Variants in TRPM3 observed in about 807,000 individuals in gnomAD.
TRPM3 encodes transient receptor potential cation channel subfamily M member 3.
In TRPM3, 77 loss-of-function variants were observed where a neutral mutation model predicts 181.2. The ratio of observed to expected loss-of-function variants is 0.42; its 90% CI spans 0.35 to 0.51. TRPM3 has a LOEUF of 0.51. TRPM3 is among the 20% of genes least tolerant of loss of function. The pLI, the probability that TRPM3 is intolerant of heterozygous loss-of-function variation, is 0.01. For missense variants in TRPM3, 1,759 were observed against 2,196.7 expected (o/e 0.80, Z 3.98); for synonymous variants, 745 against 796.4 (o/e 0.94, Z 1.09).
At chr9:71,125,611 G>A (rs969575053), upstream of TRPM3, among the ~76,000 whole-genome samples, 4 of 152,058 alleles carry the variant, frequency 2.6e-5, no homozygotes, top group Admixed American at 2.6e-4. Context: ...GTGCATTTGG[G>A]TTGATTCCAT....
chr9:70,675,593 T>C (rs1280469162), intron 9 of TRPM3, among the ~76,000 whole-genome samples: 4 of 152,234 alleles, frequency 2.6e-5, no homozygotes, highest in Non-Finnish European at 5.9e-5. Context: ...TGAGTTCATA[T>C]GAAAATTTGA....
At chr9:71,127,292 A>AACACAC (rs60199233) in intron 1 of TRPM3, among the ~76,000 whole-genome samples, 9 of 143,754 alleles carry the variant, frequency 6.3e-5, no homozygotes, top group East Asian at 2.1e-4. Context: ...AGCTGACCAA[A>AACACAC]ACACACACAC....
intron 1 of TRPM3, among the ~76,000 whole-genome samples, chr9:71,107,462 G>A (rs1255112419): frequency 1.3e-5 from 2 of 152,112 alleles, no homozygotes; most frequent in Non-Finnish European, 2.9e-5. Flanking sequence ...CATGTATCAA[G>A]TTATATTGTT....
intron 6 of TRPM3, chr9:70,825,087 C>T (rs964608632): frequency 4.6e-5 from 7 of 152,184 alleles, no homozygotes; most frequent in African/African-American, 1.7e-4. Flanking sequence ...GAGTCACTCT[C>T]TTGTAGGGCG....
intron 14 of TRPM3, among the ~76,000 whole-genome samples, chr9:70,623,695 C>T (rs1448049780): frequency 1.7e-4 from 26 of 152,122 alleles, no homozygotes; most frequent in Non-Finnish European, 1.5e-5. Flanking sequence ...TTGTTGAGGT[C>T]TAAAAAATGA....
chr9:71,196,166 T>C (rs1452469903), intron 1 of TRPM3, among the ~76,000 whole-genome samples: 1 of 89,772 alleles, frequency 1.1e-5, no homozygotes, highest in Admixed American at 1.0e-4. Context: ...CACACACGTA[T>C]ATGTGTGTGT....
At chr9:70,578,073 A>G (rs1003663372) in intron 22 of TRPM3, among the ~76,000 whole-genome samples, 2 of 152,152 alleles carry the variant, frequency 1.3e-5, no homozygotes, top group Non-Finnish European at 2.9e-5. Flanking sequence ...AACTCAGGAG[A>G]GAGTCACTGG....
chr9:70,575,337 C>T (rs1224017907), intron 22 of TRPM3, among the ~76,000 whole-genome samples: 2 of 152,070 alleles, frequency 1.3e-5, no homozygotes, highest in Non-Finnish European at 2.9e-5. Context: ...TTATAGGGCT[C>T]ACCCTTACAT....
intron 7 of TRPM3, among the ~76,000 whole-genome samples, chr9:70,772,033 T>C (rs1033501422): frequency 2.6e-5 from 4 of 152,108 alleles, no homozygotes; most frequent in Admixed American, 2.0e-4. Flanking sequence ...ACTAAATACA[T>C]AATGCTGACT....
chr9:71,297,545 T>C (rs1588360099), intron 1 of TRPM3, among the ~76,000 whole-genome samples: 1 of 152,068 alleles, frequency 6.6e-6, no homozygotes, highest in Admixed American at 6.5e-5. Context: ...GAGAATGAGA[T>C]CGGAATGAAG....
intron 8 of TRPM3, among the ~76,000 whole-genome samples, chr9:70,746,267 CAGAGAGAG>C (rs61445272): frequency 2.7e-5 from 4 of 149,204 alleles, no homozygotes; most frequent in Non-Finnish European, 4.5e-5. Context: ...AAAACAAAAA[CAGAGAGAG>C]AGAGAGAGAG....
Position 70,545,823 on chromosome 9 carries a change from C to T in TRPM3, c.3707+3719G>A, listed in dbSNP as rs980288941. 6.6e-5 allele frequency among the ~76,000 whole-genome samples: 10 copies of T among 152,256 alleles called. No homozygotes were observed. In the South Asian group the frequency reaches 1.0e-3, roughly 16 times the overall value. On this transcript the variant is annotated intron_variant, in intron 25 of 25. Coordinates refer to ENST00000677713, the MANE Select transcript of TRPM3 (RefSeq NM_001366145.2). Reference sequence around the variant, plus strand: ...TCAGCCTCCCAAAGTGCTGGGGTTACAGGTGTGAACCACTGCACCCGGCCT... The same window carrying T: ...TCAGCCTCCCAAAGTGCTGGGGTTATAGGTGTGAACCACTGCACCCGGCCT...
At chr9:71,324,751 T>C (rs2089528632) in intron 1 of TRPM3, among the ~76,000 whole-genome samples, 1 of 152,000 alleles carries the variant, frequency 6.6e-6, no homozygotes, top group African/African-American at 2.4e-5. Context: ...ATAAAGAAAG[T>C]GTGGTATATA....
intron 8 of TRPM3, among the ~76,000 whole-genome samples, chr9:70,753,172 T>G (rs2076485508): frequency 6.6e-6 from 1 of 152,122 alleles, no homozygotes; most frequent in Admixed American, 6.6e-5. Flanking sequence ...GACACATTTC[T>G]CAGGATATAT....
At chr9:70,859,253 T>G (rs1231259346) in intron 3 of TRPM3, among the ~76,000 whole-genome samples, 1 of 152,166 alleles carries the variant, frequency 6.6e-6, no homozygotes, top group Non-Finnish European at 1.5e-5. Context: ...CAGACAACTC[T>G]AAGTTCCACA....
chr9:71,319,401 A>G (rs560584652), intron 1 of TRPM3, among the ~76,000 whole-genome samples: 2 of 152,244 alleles, frequency 1.3e-5, no homozygotes, highest in South Asian at 2.1e-4. Context: ...CAATCCCAAT[A>G]TCAAGACCCA....
intron 1 of TRPM3, among the ~76,000 whole-genome samples, chr9:71,388,785 T>G (rs2092990038): frequency 6.6e-6 from 1 of 152,140 alleles, no homozygotes; most frequent in Non-Finnish European, 1.5e-5. Context: ...TAATGTGGCT[T>G]CAGTGCCCCA....
chr9:70,655,968 T>A (rs1309948542), intron 9 of TRPM3, among the ~76,000 whole-genome samples: 1 of 152,204 alleles, frequency 6.6e-6, no homozygotes, highest in African/African-American at 2.4e-5. Context: ...TGAAAACATA[T>A]AAAAGAGCTC....
At chr9:70,953,418 T>G (rs567933235) in intron 1 of TRPM3, among the ~76,000 whole-genome samples, 121 of 152,078 alleles carry the variant, frequency 8.0e-4, no homozygotes, top group Non-Finnish European at 1.7e-3. Flanking sequence ...AAAAGAAAAA[T>G]AAATACAGTT....
Sources: gnomAD v4.1 joint callset for allele counts (sites outside exome capture counted in the v4.1 genomes callset) on GRCh38, gnomAD v4.1.1 for gene constraint, MANE v1.5 for transcripts, NCBI Gene and HGNC (gene_info 2026-07-23, HGNC 2026-07-21) for gene names.